CWC22: variants seen among roughly 807,000 people sequenced by gnomAD.
CWC22 encodes CWC22 spliceosome associated protein.
Under a neutral mutation model 117.2 loss-of-function variants are expected in CWC22, and 53 were observed. The ratio of observed to expected loss-of-function variants is 0.45; its 90% confidence interval spans 0.36 to 0.57. The LOEUF is 0.57. Ranked by LOEUF, CWC22 falls within the 20% of genes least tolerant of loss-of-function variation. CWC22 has a pLI of 0.00. For missense variants in CWC22, 980 were observed against 1,068.8 expected (o/e 0.92, Z 1.16); for synonymous variants, 360 against 355.6 (o/e 1.01, Z -0.14).
intron 19 of CWC22, among the ~76,000 whole-genome samples, chr2:179,949,279 T>C (rs528922359): frequency 2.0e-5 from 3 of 152,248 alleles, no homozygotes; most frequent in Non-Finnish European, 4.4e-5. Context: ...TTGCAATACA[T>C]ATATGTACAA....
chr2:179,974,299 G>A (rs1338471978), intron 6 of CWC22, among the ~76,000 whole-genome samples: 1 of 152,080 alleles, frequency 6.6e-6, no homozygotes, highest in Non-Finnish European at 1.5e-5. Flanking sequence ...ATGAAGATGT[G>A]GAATACTCCT....
chr2:179,980,160 A>G (rs1185184403), intron 5 of CWC22, among the ~76,000 whole-genome samples: 1 of 152,174 alleles, frequency 6.6e-6, no homozygotes, highest in African/African-American at 2.4e-5. Context: ...AATACCTTTC[A>G]GTAATGCTGC....
chr2:179,982,088 G>T, intron 4 of CWC22, 91 bp from the exon 5 acceptor site: 1 of 694,244 alleles, frequency 1.4e-6, no homozygotes, highest in Middle Eastern at 3.8e-4. Context: ...ACCATAAGTG[G>T]GTCCCACAAA....
chr2:179,970,763 T>G lies in CWC22; in HGVS notation c.1034A>C (p.Asp345Ala). The G allele has an allele frequency of 6.2e-7, 1 of 1,613,744 alleles. No individual in the cohort carries two copies. Among genetic ancestry groups the G allele is most frequent in the Non-Finnish European group, 8.5e-7 (1 of 1,179,708 alleles). ...GATAATGGGGTGGTCCTTGAATCCA[T>G]CTTTCCGTACAGCAAACATCACTTC... ...MIEVMFAVRK[D>A]GFKDHPIILE... The change falls in exon 10 of 20, where the codon GAT (aspartate) becomes GCT (alanine). Residue 345 changes from aspartate to alanine, a missense_variant. Transcript: ENST00000410053.
At position 179,970,786 on chromosome 2, in the gene CWC22, T is replaced by G; in HGVS notation, c.1011A>C (p.Glu337Asp). Residue 337 changes from glutamate (E) to aspartate (D), a missense_variant, in exon 10 of 20, where the codon GAA becomes GAC. Glu to Asp is a conservative substitution (Grantham distance 45). Transcript: ENST00000410053. ...EIDKRVQYMI[E>D]VMFAVRKDGF... is the part of the protein sequence containing the mutation. ...CATCTTTCCGTACAGCAAACATCACTTCAATCATATATTGAACTCTTTTGT... is the reference window on the plus strand; with the variant it reads ...CATCTTTCCGTACAGCAAACATCACGTCAATCATATATTGAACTCTTTTGT... The G allele has an allele frequency of 6.2e-7, 1 of 1,613,780 alleles. No individual in the cohort carries two copies. The highest frequency in any genetic ancestry group is 8.5e-7 in the Non-Finnish European group (1 of 1,179,738).
chr2:180,006,072 C>A (rs1445911775), intron 1 of CWC22, among the ~76,000 whole-genome samples: 1 of 152,236 alleles, frequency 6.6e-6, no homozygotes, highest in Non-Finnish European at 1.5e-5. Context: ...CCTGAATTCA[C>A]AAGCAATCCT....
chr2:179,961,520 T>C (rs1289489819), intron 13 of CWC22, among the ~76,000 whole-genome samples: 1 of 151,988 alleles, frequency 6.6e-6, no homozygotes, highest in Admixed American at 6.6e-5. Context: ...TACTAAACGG[T>C]AATTGATACA....
At chr2:179,983,616 T>G (rs1013900224) in intron 4 of CWC22, among the ~76,000 whole-genome samples, 1 of 152,154 alleles carries the variant, frequency 6.6e-6, no homozygotes, top group Non-Finnish European at 1.5e-5. Context: ...TATATTCTTT[T>G]GGGTATATAC....
intron 8 of CWC22, among the ~76,000 whole-genome samples, chr2:179,972,128 G>A (rs767195289): frequency 3.3e-5 from 5 of 152,106 alleles, no homozygotes; most frequent in African/African-American, 7.2e-5. Flanking sequence ...ATAATATGAT[G>A]ACTAATTAGG....
At chr2:179,973,576 T>G (rs1437255001) in intron 7 of CWC22, 58 bp downstream of exon 7, 2 of 1,106,106 alleles carry the variant, frequency 1.8e-6, no homozygotes, top group African/African-American at 3.2e-5. Context: ...CTTTTGTTGA[T>G]ACTGGTTTGT....
chr2:179,973,359 A>C, intron 7 of CWC22, 113 bp from the exon 8 acceptor site: 1 of 728,966 alleles, frequency 1.4e-6, no homozygotes, highest in Non-Finnish European at 2.3e-6. Flanking sequence ...CACAAGTATA[A>C]TTTTTACATT....
chr2:179,993,506 T>C (rs1687622909), intron 1 of CWC22, 52 bp from the exon 2 acceptor site: 1 of 567,030 alleles, frequency 1.8e-6, no homozygotes, highest in Non-Finnish European at 3.1e-6. Context: ...GTGTGAAAAA[T>C]GATGATATAT....
chr2:179,962,709 G>A (rs1686785073), intron 13 of CWC22, among the ~76,000 whole-genome samples: 1 of 151,748 alleles, frequency 6.6e-6, no homozygotes, highest in South Asian at 2.1e-4. Context: ...AGGAAATACA[G>A]TAATAAAAAC....
At chr2:179,994,968 A>G (rs1687664106) in intron 1 of CWC22, among the ~76,000 whole-genome samples, 1 of 152,180 alleles carries the variant, frequency 6.6e-6, no homozygotes, top group South Asian at 2.1e-4. Context: ...ATTACAAAAA[A>G]TTAGCCAGGC....
At chr2:179,976,926 G>A (rs1013953732) in intron 6 of CWC22, among the ~76,000 whole-genome samples, 2 of 152,158 alleles carry the variant, frequency 1.3e-5, no homozygotes, top group South Asian at 2.1e-4. Context: ...AAGCCAAGTC[G>A]GGAGGACTGC....
rs1027365679 is a variant in CWC22 at position 179,970,797 on chromosome 2, A to G, written c.1000T>C (p.Tyr334His). Residue 334 changes from tyrosine (Y) to histidine (H), a missense_variant, in exon 10 of 20, where the codon TAT (tyrosine) becomes CAT (histidine). Physicochemically the swap from Tyr to His is moderately conservative, Grantham distance 83. This residue lies in a region of CWC22 where 559 missense variants were observed against 602.3 expected (regional missense o/e 0.93). Transcript: ENST00000410053. ...HESEIDKRVQ[Y>H]MIEVMFAVRK... ...ACAGCAAACATCACTTCAATCATAT[A>G]TTGAACTCTTTTGTCAATTTCAGAC... 1 of 1,613,822 alleles carries G rather than the reference A, an allele frequency of 6.2e-7. No individual in the cohort carries two copies. The highest frequency in any genetic ancestry group is 1.1e-5 in the South Asian group (1 of 91,082).
At position 179,978,315 on chromosome 2, in the gene CWC22, TA is replaced by T; in HGVS notation, c.455del (p.Leu152Ter). The T allele has an allele frequency of 6.7e-7, 1 of 1,490,222 alleles. No individual in the cohort carries two copies. The allele number at this position is 1,490,222 out of a possible 1,614,324, so 92.3% of individuals were successfully genotyped here. On this transcript the variant is annotated frameshift_variant and splice_region_variant, in exon 6 of 20. Coordinates refer to ENST00000410053, the MANE Select transcript of CWC22 (RefSeq NM_020943.3). LOFTEE classifies it high-confidence loss of function. ...CCTCCCAACTCATCCTCTGGTATGC[TA>T]AGCTAAAAAGAAGTGATTTTAATAA... is the stretch of plus-strand genomic sequence containing the variant. ...MQEQITDKNSLAYQRMSWEAL... is the reference protein window; with the variant it reads ...MQEQITDKNSXAYQRMSWEAL...
chr2:179,978,134 T>G, intron 6 of CWC22, 56 bp downstream of exon 6: 1 of 1,407,290 alleles, frequency 7.1e-7, no homozygotes, highest in Non-Finnish European at 9.3e-7. Flanking sequence ...ATGTAGATAT[T>G]ATATTCCTTT....
intron 4 of CWC22, among the ~76,000 whole-genome samples, chr2:179,983,611 T>C (rs1405509554): frequency 6.6e-6 from 1 of 152,144 alleles, no homozygotes; most frequent in African/African-American, 2.4e-5. Flanking sequence ...TTATTTATAT[T>C]CTTTTGGGTA....
Sources: allele counts gnomAD v4.1 joint callset (sites outside exome capture counted in the v4.1 genomes callset), GRCh38; gene constraint gnomAD v4.1.1; regional missense constraint gnomAD v4.1.1; transcripts MANE v1.5; gene names NCBI Gene and HGNC (gene_info 2026-07-23, HGNC 2026-07-21).